CNTNAP5: variants seen among roughly 807,000 people sequenced by gnomAD.
CNTNAP5 encodes the protein contactin-associated protein-like 5.
In CNTNAP5, 72 loss-of-function variants were observed where a neutral mutation model predicts 150.2. The observed-to-expected ratio is 0.48, with a 90% CI of 0.40 to 0.58. The LOEUF (loss-of-function observed/expected upper bound fraction) is 0.58, where lower values mean the gene tolerates loss of function less well. CNTNAP5 is among the 20% of genes least tolerant of loss of function. The pLI is 0.00. For synonymous variants in CNTNAP5, 672 were observed against 619.8 expected, an observed-to-expected ratio of 1.08 and a Z score of -1.25; for missense variants, 1,636 against 1,626.2, an observed-to-expected ratio of 1.01 and a Z score of -0.10.
intron 10 of CNTNAP5, among the ~76,000 whole-genome samples, chr2:124,537,968 C>T (rs1306423835): frequency 1.3e-5 from 2 of 152,166 alleles, no homozygotes; most frequent in South Asian, 2.1e-4. Flanking sequence ...TGGTGAGAAT[C>T]CTTCCCCACC....
intron 1 of CNTNAP5, among the ~76,000 whole-genome samples, chr2:124,070,396 GAAAAAAAAAAA>G (rs70996039): frequency 2.7e-5 from 2 of 72,960 alleles, no homozygotes; most frequent in African/African-American, 1.1e-4. Flanking sequence ...GCTGAATGGG[GAAAAAAAAAAA>G]AAAAAAAAAA....
chr2:124,274,063 T>G (rs1687824012), intron 3 of CNTNAP5, among the ~76,000 whole-genome samples: 1 of 152,180 alleles, frequency 6.6e-6, no homozygotes, highest in Non-Finnish European at 1.5e-5. Context: ...AGCAATATAT[T>G]TAAGCAAATG....
intron 3 of CNTNAP5, among the ~76,000 whole-genome samples, chr2:124,346,652 G>A (rs552477883): frequency 3.9e-5 from 6 of 151,990 alleles, no homozygotes; most frequent in Middle Eastern, 3.2e-3. Flanking sequence ...GAGAGCTAGG[G>A]GAAAAGACCA....
At chr2:124,745,226 C>A (rs1289917656) in intron 13 of CNTNAP5, among the ~76,000 whole-genome samples, 1 of 152,144 alleles carries the variant, frequency 6.6e-6, no homozygotes, top group South Asian at 2.1e-4. Context: ...CCATTAGTAA[C>A]AATGCAATTA....
At chr2:124,556,834 G>GT (rs1426439439) in intron 10 of CNTNAP5, among the ~76,000 whole-genome samples, 1 of 152,106 alleles carries the variant, frequency 6.6e-6, no homozygotes, top group Non-Finnish European at 1.5e-5. Context: ...GAAGCAGGTG[G>GT]TGGGGGCAGG....
intron 10 of CNTNAP5, among the ~76,000 whole-genome samples, chr2:124,536,799 T>C (rs1244244295): frequency 6.6e-6 from 1 of 152,016 alleles, no homozygotes; most frequent in Non-Finnish European, 1.5e-5. Flanking sequence ...CCAAGGGCTC[T>C]CATGTGGAGA....
chr2:124,808,162 G>A (rs1254818804), intron 19 of CNTNAP5, among the ~76,000 whole-genome samples: 4 of 152,122 alleles, frequency 2.6e-5, no homozygotes, highest in Non-Finnish European at 5.9e-5. Context: ...TACTTTCTTG[G>A]AACAAGTGAT....
intron 12 of CNTNAP5, among the ~76,000 whole-genome samples, chr2:124,618,674 G>A (rs757457988): frequency 3.9e-5 from 6 of 152,246 alleles, no homozygotes; most frequent in South Asian, 2.1e-4. Context: ...GCCTTCCTGC[G>A]CACAGAGAAG....
chr2:124,166,817 A>G (rs566507350), intron 1 of CNTNAP5, among the ~76,000 whole-genome samples: 1 of 152,314 alleles, frequency 6.6e-6, no homozygotes, highest in South Asian at 2.1e-4. Context: ...GCAGAATCCA[A>G]GAAGTCCCCA....
At chr2:124,837,450 T>C (rs868819250) in intron 19 of CNTNAP5, among the ~76,000 whole-genome samples, 6 of 152,152 alleles carry the variant, frequency 3.9e-5, no homozygotes, top group African/African-American at 1.4e-4. Flanking sequence ...AATTCCAACA[T>C]TGGCGAAAAT....
chr2:124,831,031 C>A (rs1682705688), intron 19 of CNTNAP5, among the ~76,000 whole-genome samples: 1 of 151,880 alleles, frequency 6.6e-6, no homozygotes, highest in Non-Finnish European at 1.5e-5. Context: ...TTTTAGATAA[C>A]CTTATTTTTC....
Position 124,216,631 on chromosome 2 carries a change from C to T in CNTNAP5, c.83-5074C>T, listed in dbSNP as rs377055157. ...TTCAATTCCCACCTATGAGTGAGAA[C>T]ATGCGGTGTTTGGTTTTTTGTCCTT... On this transcript the variant is annotated intron_variant, in intron 1 of 23. Transcript: ENST00000682447. Among the ~76,000 whole-genome samples, 110 of 152,208 alleles carry T rather than the reference C, an allele frequency of 7.2e-4. No homozygotes were observed. The East Asian group carries it at 0.016, about 22-fold the overall frequency.
chr2:124,903,918 G>A (rs373868179), intron 22 of CNTNAP5, among the ~76,000 whole-genome samples: 2 of 152,000 alleles, frequency 1.3e-5, no homozygotes, highest in African/African-American at 4.8e-5. Context: ...GCTGGCCGTG[G>A]TGGTGGGCAC....
At chr2:124,766,059 C>T (rs187222640) in intron 16 of CNTNAP5, among the ~76,000 whole-genome samples, 1 of 152,140 alleles carries the variant, frequency 6.6e-6, no homozygotes, top group East Asian at 1.9e-4. Flanking sequence ...TGTTTTATCA[C>T]TAACATTGCT....
chr2:124,787,595 T>C (rs1170693573), intron 17 of CNTNAP5, among the ~76,000 whole-genome samples: 1 of 152,212 alleles, frequency 6.6e-6, no homozygotes, highest in South Asian at 2.1e-4. Context: ...TCTGCTGACC[T>C]GGTGGGATTT....
chr2:124,568,988 C>G (rs1696092953), intron 11 of CNTNAP5, among the ~76,000 whole-genome samples: 1 of 152,168 alleles, frequency 6.6e-6, no homozygotes, highest in African/African-American at 2.4e-5. Flanking sequence ...GCGGAGCTTG[C>G]AGTGAGCCAA....
At chr2:124,655,945 G>GAGAGAGAGAGAAAGAAAGAAAGAA (rs1553427800) in intron 13 of CNTNAP5, among the ~76,000 whole-genome samples, 1 of 55,490 alleles carries the variant, frequency 1.8e-5, no homozygotes, top group Non-Finnish European at 3.4e-5. Context: ...GAGAGAGAGA[G>GAGAGAGAGAGAAAGAAAGAAAGAA]AGAAAGAAAG....
In CNTNAP5 at chr2:124,681,948, C is replaced by A. The variant is rs535779239; in HGVS notation, c.2077+33990C>A. 2.6e-4 allele frequency among the ~76,000 whole-genome samples: 40 copies of A among 152,222 alleles called. No individual in the cohort carries two copies. In the East Asian group the frequency reaches 6.0e-3, roughly 23 times the overall value. ...TCTGTCAGTATAATTTAGTGGCCAG[C>A]CAATGAGTGGTCAGATTTTAAAAAA... On this transcript the variant is annotated intron_variant, in intron 13 of 23. Coordinates refer to ENST00000682447, the MANE Select transcript of CNTNAP5 (RefSeq NM_001367498.1).
intron 12 of CNTNAP5, among the ~76,000 whole-genome samples, chr2:124,622,828 G>A (rs1401328773): frequency 6.6e-6 from 1 of 152,154 alleles, no homozygotes; most frequent in Admixed American, 6.6e-5. Flanking sequence ...TTTATCACAA[G>A]TTGGGTAATC....
Sources: allele counts gnomAD v4.1 joint callset (sites outside exome capture counted in the v4.1 genomes callset), GRCh38; gene constraint gnomAD v4.1.1; transcripts MANE v1.5; gene names NCBI Gene and HGNC (gene_info 2026-07-23, HGNC 2026-07-21).